The following MMEL1 variants were observed in gnomAD, a reference collection of about 807,000 sequenced individuals.
MMEL1 encodes membrane metallo-endopeptidase-like 1.
A neutral mutation model predicts 117.1 loss-of-function variants in MMEL1; 98 were observed. That is an observed-to-expected ratio of 0.84 (90% CI 0.71 to 0.99). The LOEUF is 0.99. Among genes scored for constraint, MMEL1 ranks in the 50% least tolerant of loss-of-function variants. MMEL1 has a pLI of 0.00. For missense variants in MMEL1, 1,014 were observed against 1,049.1 expected (o/e 0.97, Z 0.46); for synonymous variants, 390 against 415.1 (o/e 0.94, Z 0.74).
intron 6 of MMEL1, among the ~76,000 whole-genome samples, chr1:2,607,575 C>T (rs748362718): frequency 5.3e-5 from 8 of 151,958 alleles, no homozygotes; most frequent in South Asian, 4.1e-4. Flanking sequence ...CTTTTGCAGT[C>T]GAAGATTAGG....
At chr1:2,609,585 G>C (rs1645093495) in intron 5 of MMEL1, 85 bp downstream of exon 5, 1 of 1,548,136 alleles carries the variant, frequency 6.5e-7, no homozygotes, top group South Asian at 1.2e-5. Flanking sequence ...CACAAACAGG[G>C]GCGAGACACA....
chr1:2,626,053 G>A (rs897544828), intron 2 of MMEL1, among the ~76,000 whole-genome samples: 3 of 152,210 alleles, frequency 2.0e-5, no homozygotes, highest in Admixed American at 1.3e-4. Flanking sequence ...AAGGACAGCG[G>A]TGAAGGGAAA....
Position 2,609,386 on chromosome 1 carries a change from G to A in MMEL1, c.488C>T (p.Pro163Leu), listed in dbSNP as rs1425254818. Residue 163 changes from proline (P) to leucine (L), a missense_variant, in exon 6 of 24, where the codon CCG becomes CTG. Transcript: ENST00000378412. The part of the protein sequence containing the change: ...VLENSTAKDR[P>L]AVEKARTLYR... Reference sequence around the variant, plus strand: ...CAGCGTCCTGGCCTTCTCCACAGCCGGCCGGTCCTTGGCAGTCGAATTCTC... The same window carrying A: ...CAGCGTCCTGGCCTTCTCCACAGCCAGCCGGTCCTTGGCAGTCGAATTCTC... 3 of 1,612,128 alleles carry A rather than the reference G, an allele frequency of 1.9e-6. No individual in the cohort carries two copies. The highest frequency in any genetic ancestry group is 1.7e-5 in the Admixed American group (1 of 59,886).
chr1:2,596,860 C>T (rs759527524), intron 13 of MMEL1, among the ~76,000 whole-genome samples, 171 bp from the exon 14 acceptor site: 11 of 152,114 alleles, frequency 7.2e-5, no homozygotes, highest in East Asian at 3.9e-4. Context: ...GCTGCTGCGG[C>T]GGGGGGAAGG....
rs756228661 is a variant in MMEL1 at position 2,598,749 on chromosome 1, A to G, written c.1083T>C (p.Ser361=). The G allele has an allele frequency of 4.2e-5, 67 of 1,613,996 alleles. No individual in the cohort carries two copies. Among genetic ancestry groups the G allele is most frequent in the Non-Finnish European group, 5.6e-5 (66 of 1,180,008 alleles). ...WTLFIQTVLS[S]VKIKLLPDEE... ...CATCTGGCAGCAGCTTGATTTTGAC[A>G]GAGGATAGCACAGTTTGTATGAACA... Residue 361 remains serine (S), a synonymous_variant, in exon 12 of 24, where the codon TCT becomes TCC. Transcript: ENST00000378412.
intron 1 of MMEL1, among the ~76,000 whole-genome samples, chr1:2,630,538 ACT>A (rs933850176): frequency 3.4e-5 from 5 of 146,412 alleles, no homozygotes; most frequent in Admixed American, 1.3e-4. Flanking sequence ...GTGGATATGC[ACT>A]GTCTACGCTC....
At chr1:2,608,464 C>T (rs1298257717) in intron 6 of MMEL1, among the ~76,000 whole-genome samples, 4 of 152,042 alleles carry the variant, frequency 2.6e-5, no homozygotes, top group Non-Finnish European at 5.9e-5. Context: ...CACACACAAG[C>T]ACATATGACA....
At chr1:2,611,176 T>C in intron 4 of MMEL1, 105 bp downstream of exon 4, 1 of 1,140,382 alleles carries the variant, frequency 8.8e-7, no homozygotes, top group Admixed American at 2.4e-5. Flanking sequence ...CCGCCCGCCG[T>C]GTCTTGGAGT....
Position 2,595,322 on chromosome 1 carries a change from T to C in MMEL1, c.1538A>G (p.Tyr513Cys), listed in dbSNP as rs996767136. ...SIREQIGHPD[Y>C]ILEEMNRRLD... ...GCGCCTGTTCATCTCCTCCAGGATG[T>C]AGTCAGGGTGCCCGATCTGCTCCCG... Residue 513 changes from tyrosine to cysteine, a missense_variant, in exon 16 of 24, where the codon TAC becomes TGC. Physicochemically the swap from Tyr to Cys is radical, Grantham distance 194. Coordinates refer to ENST00000378412, the MANE Select transcript of MMEL1 (RefSeq NM_033467.4). This position sits in a 1 kb window ranked among gnomAD's most constrained non-coding sequence, Gnocchi z 4.8. The C allele has an allele frequency of 1.9e-6, 3 of 1,613,716 alleles. No individual in the cohort carries two copies. The highest frequency in any genetic ancestry group is 2.5e-6 in the Non-Finnish European group (3 of 1,179,972).
intron 11 of MMEL1, among the ~76,000 whole-genome samples, chr1:2,600,891 T>C (rs112153335): frequency 8.7e-4 from 132 of 152,336 alleles, no homozygotes; most frequent in African/African-American, 3.0e-3. Context: ...ACACCTGTAA[T>C]TTATCTAATA....
At chr1:2,601,708 A>G (rs767928542) in intron 11 of MMEL1, among the ~76,000 whole-genome samples, 2 of 152,246 alleles carry the variant, frequency 1.3e-5, no homozygotes, top group Non-Finnish European at 2.9e-5. Flanking sequence ...CCAAGAATCA[A>G]TCAGAGAAAG....
rs2100917657 is a variant in MMEL1, at chr1:2,590,731, T to C, written c.*259A>G. On this transcript the variant is annotated 3_prime_UTR_variant, in exon 24 of 24. Coordinates refer to ENST00000378412, the MANE Select transcript of MMEL1 (RefSeq NM_033467.4). ...GGTGGGCAGGACACAGTTGATTGTC[T>C]CTACAGAGCTGTGACGGGGGCACTG... The C allele has an allele frequency of 2.6e-6, 1 of 391,222 alleles. No homozygotes were observed. Among genetic ancestry groups the C allele is most frequent in the African/African-American group, 2.1e-5 (1 of 48,578 alleles). The allele number at this position is 391,222 out of a possible 1,614,324, so 24.2% of individuals were successfully genotyped here.
In MMEL1 at chr1:2,594,463, C is replaced by G; in HGVS notation, c.1689-20G>C. On this transcript the variant is annotated intron_variant, in intron 17 of 23. Coordinates refer to ENST00000378412, the MANE Select transcript of MMEL1 (RefSeq NM_033467.4). Reference sequence around the variant, plus strand: ...ATCCAGCTGTGATAGACAAGCCGGTCTCTGGGAGCCGCCTCTCCGGGGACC... The same window carrying G: ...ATCCAGCTGTGATAGACAAGCCGGTGTCTGGGAGCCGCCTCTCCGGGGACC... 2.0e-5 allele frequency: 31 copies of G among 1,551,346 alleles called. No individual in the cohort carries two copies. Among genetic ancestry groups the G allele is most frequent in the Non-Finnish European group, 2.7e-5 (31 of 1,146,940 alleles).
intron 12 of MMEL1, 101 bp from the exon 13 acceptor site, chr1:2,598,401 G>C: frequency 7.7e-7 from 1 of 1,298,334 alleles, no homozygotes; most frequent in Non-Finnish European, 1.1e-6. Flanking sequence ...CCACCCCAGA[G>C]AGTTATGGGT....
Position 2,612,084 on chromosome 1 carries a change from C to G in MMEL1, c.232+43G>C. ...GTCCCCCCACCTTGGGAGGCCAGCG[C>G]CCACCTGCCTGGGGCTGTTTTGGAA... On this transcript the variant is annotated intron_variant, in intron 3 of 23. Transcript: ENST00000378412. This position sits in a 1 kb window ranked among gnomAD's most constrained non-coding sequence, Gnocchi z 5.4. The G allele has an allele frequency of 6.6e-7, 1 of 1,521,774 alleles. No individual in the cohort carries two copies. Among genetic ancestry groups the G allele is most frequent in the Non-Finnish European group, 8.9e-7 (1 of 1,117,588 alleles). The allele number at this position is 1,521,774 out of a possible 1,614,324, so 94.3% of individuals were successfully genotyped here.
Position 2,604,213 on chromosome 1 carries a change from G to A in MMEL1, c.885C>T (p.Pro295=), listed in dbSNP as rs1455815148. 1 of 1,612,522 alleles carries A rather than the reference G, an allele frequency of 6.2e-7. No individual in the cohort carries two copies. The highest frequency in any genetic ancestry group is 8.5e-7 in the Non-Finnish European group (1 of 1,179,820). Residue 295 remains proline (P), a synonymous_variant, in exon 10 of 24, where the codon CCC becomes CCT. Transcript: ENST00000378412. ...ATLLREDANL[P]RDSCLVQEDM... is the part of the protein sequence containing the mutation. ...CCTCCTGCACCAGGCAGCTGTCCCT[G>A]GGCAGGTTTGCATCCTCCCGCAGCA...
chr1:2,612,220 G>GC lies in MMEL1; in HGVS notation c.155-17dup. 1.9e-6 allele frequency: 3 copies of GC among 1,558,094 alleles called. No individual in the cohort carries two copies. The highest frequency in any genetic ancestry group is 1.7e-6 in the Non-Finnish European group (2 of 1,150,050). On this transcript the variant is annotated splice_polypyrimidine_tract_variant and intron_variant, in intron 2 of 23. Transcript: ENST00000378412. This position sits in a 1 kb window ranked among gnomAD's most constrained non-coding sequence, Gnocchi z 5.4. ...AGCTGCTTCCCTGGGGAGAAACACA[G>GC]CGCTCAGCTGCGGCCTCCTGCCTGC...
rs1638434804 is a variant in MMEL1 at position 2,629,401 on chromosome 1, C to CA, written c.83_84insT (p.Leu29AlafsTer32). ...TCACCAGCAGCAGCAGCAGCAGCAGCCCCCCCTCCAGGAACCCCGGGCGCT... is the reference window on the plus strand; with the variant it reads ...TCACCAGCAGCAGCAGCAGCAGCAGCACCCCCCTCCAGGAACCCCGGGCGCT... On this transcript the variant is annotated frameshift_variant, in exon 2 of 24. Coordinates refer to ENST00000378412, the MANE Select transcript of MMEL1 (RefSeq NM_033467.4). LOFTEE classifies it high-confidence loss of function. The CA allele has an allele frequency of 6.5e-7, 1 of 1,545,678 alleles. No homozygotes were observed. Among genetic ancestry groups the CA allele is most frequent in the Non-Finnish European group, 8.7e-7 (1 of 1,146,112 alleles).
intron 7 of MMEL1, among the ~76,000 whole-genome samples, chr1:2,606,574 T>C (rs942485865): frequency 6.6e-6 from 1 of 151,088 alleles, no homozygotes; most frequent in Non-Finnish European, 1.5e-5. Context: ...CCGGAGGGGG[T>C]TGGGAGCAGC....
Sources: allele counts gnomAD v4.1 joint callset (sites outside exome capture counted in the v4.1 genomes callset), GRCh38; gene constraint gnomAD v4.1.1; non-coding constraint Gnocchi (gnomAD v3.1); transcripts MANE v1.5; gene names NCBI Gene and HGNC (gene_info 2026-07-23, HGNC 2026-07-21).